PDZRN4: variants seen among roughly 807,000 people sequenced by gnomAD.
PDZRN4 encodes PDZ domain containing ring finger 4.
A neutral mutation model predicts 99.0 loss-of-function variants in PDZRN4; 70 were observed. The ratio of observed to expected loss-of-function variants is 0.71; its 90% CI spans 0.58 to 0.86. The LOEUF (loss-of-function observed/expected upper bound fraction) is 0.86, where lower values mean the gene tolerates loss of function less well. PDZRN4 is among the 40% of genes least tolerant of loss of function. The pLI is 0.00. For synonymous variants in PDZRN4, 551 were observed against 501.6 expected (o/e 1.10, Z -1.32); for missense variants, 1,474 against 1,331.2 (o/e 1.11, Z -1.67).
Position 41,189,076 on chromosome 12 carries a change from C to G in PDZRN4, c.621C>G (p.Val207=). The G allele has an allele frequency of 6.3e-7, 1 of 1,581,238 alleles. No homozygotes were observed. The highest frequency in any genetic ancestry group is 8.5e-7 in the Non-Finnish European group (1 of 1,171,892). ...TQYMAHVRNF[V]GDLGGGHRRD... ...ACATGGCTCACGTCCGCAACTTCGT[C>G]GGCGACCTCGGTGGCGGCCACCGCA... Residue 207 remains valine, a synonymous_variant, in exon 1 of 10, where the codon GTC becomes GTG. Transcript: ENST00000402685.
chr12:41,428,029 G>A (rs1375248991), intron 3 of PDZRN4, among the ~76,000 whole-genome samples: 1 of 151,998 alleles, frequency 6.6e-6, no homozygotes, highest in Non-Finnish European at 1.5e-5. Flanking sequence ...CAGAGGTTGT[G>A]GTGAGCCAAG....
chr12:41,192,171 T>G (rs767081854), intron 2 of PDZRN4, among the ~76,000 whole-genome samples: 1 of 152,148 alleles, frequency 6.6e-6, no homozygotes, highest in Non-Finnish European at 1.5e-5. Flanking sequence ...AGTAGCGTGA[T>G]CTCAGCTCAA....
intron 3 of PDZRN4, among the ~76,000 whole-genome samples, chr12:41,286,197 T>C (rs1366200245): frequency 1.3e-5 from 2 of 151,990 alleles, no homozygotes; most frequent in African/African-American, 2.4e-5. Flanking sequence ...TTAAGTATGC[T>C]GGTATATTAA....
At chr12:41,270,955 T>G in intron 3 of PDZRN4, among the ~76,000 whole-genome samples, 1 of 152,096 alleles carries the variant, frequency 6.6e-6, no homozygotes, top group Non-Finnish European at 1.5e-5. Context: ...ATTATTAAAA[T>G]GTCAAAACTT....
At chr12:41,490,048 G>T (rs768937861) in intron 3 of PDZRN4, among the ~76,000 whole-genome samples, 1 of 151,566 alleles carries the variant, frequency 6.6e-6, no homozygotes, top group Non-Finnish European at 1.5e-5. Flanking sequence ...ACCACTTGTT[G>T]TGTGACCTTA....
chr12:41,420,720 G>A (rs1386101644), intron 3 of PDZRN4, among the ~76,000 whole-genome samples: 2 of 151,950 alleles, frequency 1.3e-5, no homozygotes, highest in Admixed American at 6.6e-5. Flanking sequence ...TAAAATCTAG[G>A]GATATCCAAA....
chr12:41,521,421 T>C (rs955819604), intron 5 of PDZRN4, among the ~76,000 whole-genome samples: 1 of 152,076 alleles, frequency 6.6e-6, no homozygotes, highest in African/African-American at 2.4e-5. Context: ...AGTTATACAT[T>C]GTATAAGATG....
chr12:41,292,430 A>G (rs1021837106), intron 3 of PDZRN4, among the ~76,000 whole-genome samples: 1 of 152,202 alleles, frequency 6.6e-6, no homozygotes, highest in Non-Finnish European at 1.5e-5. Flanking sequence ...AGAAGGCAGT[A>G]AAAGGGCCCT....
intron 3 of PDZRN4, among the ~76,000 whole-genome samples, chr12:41,471,869 C>T (rs542618980): frequency 2.0e-5 from 3 of 151,730 alleles, no homozygotes; most frequent in South Asian, 2.1e-4. Flanking sequence ...CATTTTCATA[C>T]ACTAAGTTTT....
chr12:41,493,692 T>C (rs533576521), intron 3 of PDZRN4, among the ~76,000 whole-genome samples: 1 of 152,134 alleles, frequency 6.6e-6, no homozygotes, highest in Non-Finnish European at 1.5e-5. Flanking sequence ...GAATCACTCA[T>C]AGTGATTGTG....
At chr12:41,470,651 C>T (rs1034392208) in intron 3 of PDZRN4, among the ~76,000 whole-genome samples, 3 of 152,314 alleles carry the variant, frequency 2.0e-5, no homozygotes, top group South Asian at 2.1e-4. Flanking sequence ...TCTCTTCCCC[C>T]TCCCGCCACC....
At chr12:41,402,080 A>C (rs1305943159) in intron 3 of PDZRN4, among the ~76,000 whole-genome samples, 1 of 102,004 alleles carries the variant, frequency 9.8e-6, no homozygotes, top group Non-Finnish European at 1.9e-5. Flanking sequence ...GAAAAGAAAA[A>C]AAAAAAGAAA....
At chr12:41,323,909 C>T (rs1255911708) in intron 3 of PDZRN4, among the ~76,000 whole-genome samples, 2 of 151,830 alleles carry the variant, frequency 1.3e-5, no homozygotes, top group South Asian at 2.1e-4. Context: ...ACAGAAAACA[C>T]GTTATAAAGA....
chr12:41,454,642 C>T (rs1206907556), intron 3 of PDZRN4, among the ~76,000 whole-genome samples: 1 of 152,122 alleles, frequency 6.6e-6, no homozygotes, highest in Non-Finnish European at 1.5e-5. Flanking sequence ...ACAAGGATGG[C>T]AGGAGATATT....
chr12:41,480,469 CA>C (rs1230013917), intron 3 of PDZRN4, among the ~76,000 whole-genome samples: 2 of 152,066 alleles, frequency 1.3e-5, no homozygotes, highest in Non-Finnish European at 2.9e-5. Context: ...GGTTGGACAT[CA>C]AAACATAACA....
intron 3 of PDZRN4, among the ~76,000 whole-genome samples, chr12:41,471,073 C>G (rs1952985069): frequency 6.6e-6 from 1 of 152,196 alleles, no homozygotes; most frequent in African/African-American, 2.4e-5. Flanking sequence ...GTTAATCATA[C>G]ACTATGAACA....
Position 41,188,520 on chromosome 12 carries a change from G to A in PDZRN4, c.65G>A (p.Gly22Asp), listed in dbSNP as rs764685437. The A allele has an allele frequency of 2.3e-5, 37 of 1,585,980 alleles. No homozygotes were observed. The East Asian group carries it at 5.2e-4, about 22-fold the overall frequency. ...VDPALECKLCGQVLEEPLCTP... is the reference protein window; with the variant it reads ...VDPALECKLCDQVLEEPLCTP... ...CCGGCTCTGGAGTGCAAACTGTGCG[G>A]CCAGGTGCTTGAAGAGCCCCTGTGC... The change falls in exon 1 of 10, where the codon GGC (glycine) becomes GAC (aspartate). Residue 22 changes from glycine to aspartate, a missense_variant. By Grantham distance (94) the Gly-to-Asp change is moderately conservative (BLOSUM62 -1). Coordinates refer to ENST00000402685, the MANE Select transcript of PDZRN4 (RefSeq NM_001164595.2).
chr12:41,418,144 A>G (rs747950012), intron 3 of PDZRN4, among the ~76,000 whole-genome samples: 6 of 152,174 alleles, frequency 3.9e-5, no homozygotes, highest in Admixed American at 6.6e-5. Flanking sequence ...ATTATCATTT[A>G]TTTGAATTTA....
chr12:41,474,485 G>A (rs1305160797), intron 3 of PDZRN4, among the ~76,000 whole-genome samples: 1 of 152,120 alleles, frequency 6.6e-6, no homozygotes, highest in South Asian at 2.1e-4. Context: ...AGTACCCAGG[G>A]GTTTCCTGAC....
Sources: gnomAD v4.1 joint callset for allele counts (sites outside exome capture counted in the v4.1 genomes callset) on GRCh38, gnomAD v4.1.1 for gene constraint, MANE v1.5 for transcripts, NCBI Gene and HGNC (gene_info 2026-07-23, HGNC 2026-07-21) for gene names.